The following RGR variants were observed in gnomAD, a reference collection of about 807,000 sequenced individuals.
RGR encodes the protein retinal G protein coupled receptor.
Under a neutral mutation model 28.6 loss-of-function variants are expected in RGR, and 30 were observed. The observed-to-expected ratio is 1.05, with a 90% CI of 0.78 to 1.42. RGR has a LOEUF of 1.42. Among genes scored for constraint, RGR ranks in the 40% most tolerant of loss-of-function variants. The pLI is 0.00. For missense variants in RGR, 404 were observed against 375.6 expected, an observed-to-expected ratio of 1.08 and a Z score of -0.62; for synonymous variants, 180 against 156.4, an observed-to-expected ratio of 1.15 and a Z score of -1.13.
intron 5 of RGR, among the ~76,000 whole-genome samples, chr10:84,257,570 A>G (rs1024871180): frequency 1.3e-5 from 2 of 152,186 alleles, no homozygotes; most frequent in Non-Finnish European, 2.9e-5. Flanking sequence ...CCCCTTCTGT[A>G]TTTGACAAAC....
At position 84,259,407 on chromosome 10, in the gene RGR, G is replaced by A. The variant is rs1175306019; in HGVS notation, c.*768G>A. The A allele has an allele frequency of 1.3e-5, 2 of 152,354 alleles. No homozygotes were observed. The highest frequency in any genetic ancestry group is 4.8e-5 in the African/African-American group (2 of 41,440). The allele number at this position is 152,354 out of a possible 1,614,324, so 9.4% of individuals were successfully genotyped here. A position where few individuals can be genotyped will look rare whatever the true frequency, so the allele number is the denominator to read the frequency against. On this transcript the variant is annotated 3_prime_UTR_variant, in exon 7 of 7. Coordinates refer to ENST00000652092, the MANE Select transcript of RGR (RefSeq NM_001012720.2). The stretch of plus-strand genomic sequence containing the variant: ...CTTTTCCTTTGGGTAGATACCAGTA[G>A]TAGGACTGCTGGATCAAATGGTAGC...
In RGR at chr10:84,252,849, C is replaced by T. The variant is rs765022354; in HGVS notation, c.359-8C>T. On this transcript the variant is annotated splice_region_variant and splice_polypyrimidine_tract_variant and intron_variant, in intron 3 of 6. Coordinates refer to ENST00000652092, the MANE Select transcript of RGR (RefSeq NM_001012720.2). ...CACAACCTCCTCTTCTTCCTCTGTC[C>T]TGTGCAGGTAGCCAGCTGGCCTGGA... The T allele has an allele frequency of 5.6e-6, 9 of 1,614,072 alleles. No individual in the cohort carries two copies. The highest frequency in any genetic ancestry group is 7.6e-6 in the Non-Finnish European group (9 of 1,180,044).
rs773443057 is a variant in RGR at position 84,245,102 on chromosome 10, C to A, written c.12C>A (p.Thr4=). MAE[T]SALPTGFGEL... is the part of the protein sequence containing the mutation. ...GAGGGAGAGTGAGGATGGCAGAGAC[C>A]AGTGCCCTGCCCACTGGCTTCGGGG... Residue 4 remains threonine (T), a synonymous_variant, in exon 1 of 7, where the codon ACC becomes ACA. Coordinates refer to ENST00000652092, the MANE Select transcript of RGR (RefSeq NM_001012720.2). 155 of 1,613,530 alleles carry A rather than the reference C, an allele frequency of 9.6e-5. No homozygotes were observed. Among genetic ancestry groups the A allele is most frequent in the Admixed American group, 1.7e-5 (1 of 59,970 alleles).
At chr10:84,254,934 C>A (rs1244023624) in intron 5 of RGR, among the ~76,000 whole-genome samples, 2 of 152,210 alleles carry the variant, frequency 1.3e-5, no homozygotes. Flanking sequence ...AGGTTTGGTC[C>A]AGACCTAGCT....
chr10:84,257,116 G>A (rs1351308779), intron 5 of RGR, among the ~76,000 whole-genome samples: 1 of 152,208 alleles, frequency 6.6e-6, no homozygotes, highest in Non-Finnish European at 1.5e-5. Context: ...AAGAAAGTCA[G>A]GTCAGGGAGA....
At chr10:84,258,058 T>C in intron 6 of RGR, 52 bp downstream of exon 6, 3 of 1,451,762 alleles carry the variant, frequency 2.1e-6, no homozygotes, top group Non-Finnish European at 2.9e-6. Flanking sequence ...CTTTGTTCTC[T>C]GTCTCATCTC....
chr10:84,258,153 T>C lies in RGR; in HGVS notation c.744+147T>C, dbSNP rs1842911110. ...TTGGATACTCACAAGGCATAGAGCA[T>C]TAGTTTGCCCCCCTAATCCCCCACC... On this transcript the variant is annotated intron_variant, in intron 6 of 6. Coordinates refer to ENST00000652092, the MANE Select transcript of RGR (RefSeq NM_001012720.2). 4 of 831,690 alleles carry C rather than the reference T, an allele frequency of 4.8e-6. No individual in the cohort carries two copies. In the Admixed American group the frequency reaches 8.2e-5, roughly 17 times the overall value. The allele number at this position is 831,690 out of a possible 1,614,324, so 51.5% of individuals were successfully genotyped here.
intron 2 of RGR, 187 bp from the exon 3 acceptor site, chr10:84,248,735 C>T: frequency 1.1e-6 from 1 of 945,690 alleles, no homozygotes; most frequent in Non-Finnish European, 1.6e-6. Flanking sequence ...GGAGAGTGTG[C>T]ATTGGGCTCC....
Position 84,258,910 on chromosome 10 carries a change from A to G in RGR, c.*271A>G, listed in dbSNP as rs1842922428. On this transcript the variant is annotated 3_prime_UTR_variant, in exon 7 of 7. Transcript: ENST00000652092. The stretch of plus-strand genomic sequence containing the variant: ...AATAATAATAAATGTAAGGGGGTAC[A>G]GTGCAGTTTTGTTACATGGATAGAT... The G allele has an allele frequency of 2.2e-6, 1 of 451,494 alleles. No individual in the cohort carries two copies. Among genetic ancestry groups the G allele is most frequent in the Middle Eastern group, 6.9e-4 (1 of 1,458 alleles). 28.0% of individuals were successfully genotyped at this position (451,494 alleles called of 1,614,324 possible).
chr10:84,247,827 G>T, intron 2 of RGR, 80 bp downstream of exon 2: 1 of 1,605,462 alleles, frequency 6.2e-7, no homozygotes. Context: ...GCCAGGCCAA[G>T]GGCATTTTTA....
chr10:84,257,858 G>A (rs370596989), intron 5 of RGR, 35 bp from the exon 6 acceptor site: 2 of 1,599,224 alleles, frequency 1.3e-6, no homozygotes, highest in African/African-American at 2.7e-5. Context: ...GCCACCTGGA[G>A]CAAGCTGACA....
At chr10:84,249,749 G>A (rs1356554574) in intron 3 of RGR, among the ~76,000 whole-genome samples, 1 of 152,248 alleles carries the variant, frequency 6.6e-6, no homozygotes, top group African/African-American at 2.4e-5. Flanking sequence ...AGCTGGGCAT[G>A]TGCCCTGGCA....
intron 3 of RGR, 129 bp from the exon 4 acceptor site, chr10:84,252,728 G>A: frequency 8.3e-7 from 1 of 1,201,582 alleles, no homozygotes; most frequent in Admixed American, 1.7e-5. Flanking sequence ...TGTAATCCCA[G>A]CACTTTGGGA....
chr10:84,247,996 T>C (rs934703388), intron 2 of RGR: 34 of 639,990 alleles, frequency 5.3e-5, no homozygotes, highest in East Asian at 6.0e-5. Flanking sequence ...GTGTGGGTTC[T>C]GTAACCAAGC....
chr10:84,251,773 T>C (rs1294545730), intron 3 of RGR, among the ~76,000 whole-genome samples: 1 of 152,142 alleles, frequency 6.6e-6, no homozygotes, highest in Non-Finnish European at 1.5e-5. Flanking sequence ...GGCCTAGTTA[T>C]CTCCCAAAGG....
At chr10:84,257,491 T>C (rs903916800) in intron 5 of RGR, among the ~76,000 whole-genome samples, 2 of 152,110 alleles carry the variant, frequency 1.3e-5, no homozygotes, top group Non-Finnish European at 2.9e-5. Flanking sequence ...TCCCAGCACG[T>C]TGGGAGGCCG....
At chr10:84,250,305 G>T (rs1842799137) in intron 3 of RGR, 1 of 713,092 alleles carries the variant, frequency 1.4e-6, no homozygotes, top group African/African-American at 1.7e-5. Context: ...AACTTCCCTT[G>T]CCATAGTCAC....
intron 3 of RGR, among the ~76,000 whole-genome samples, chr10:84,252,534 T>C (rs1172250809): frequency 1.3e-5 from 2 of 152,238 alleles, no homozygotes; most frequent in Non-Finnish European, 2.9e-5. Context: ...ATTCCCATTG[T>C]GGGCGAGAAT....
intron 1 of RGR, among the ~76,000 whole-genome samples, chr10:84,246,644 T>C (rs1442312143): frequency 6.6e-6 from 1 of 152,252 alleles, no homozygotes; most frequent in African/African-American, 2.4e-5. Context: ...GGCACTTACA[T>C]TGATTTCGTA....
Sources: gnomAD v4.1 joint callset for allele counts (sites outside exome capture counted in the v4.1 genomes callset) on GRCh38, gnomAD v4.1.1 for gene constraint, MANE v1.5 for transcripts, NCBI Gene and HGNC (gene_info 2026-07-23, HGNC 2026-07-21) for gene names.